PKD1L1: variants seen among roughly 807,000 people sequenced by gnomAD.
PKD1L1 encodes the protein polycystin 1 like 1, transient receptor potential channel interacting.
A neutral mutation model predicts 323.4 loss-of-function variants in PKD1L1; 236 were observed. The ratio of observed to expected loss-of-function variants is 0.73; its 90% CI spans 0.66 to 0.81. PKD1L1 has a LOEUF of 0.81. PKD1L1 is among the 40% of genes least tolerant of loss of function. The pLI is 0.00. For missense variants in PKD1L1, 3,320 were observed against 3,508.0 expected, an observed-to-expected ratio of 0.95 and a Z score of 1.35; for synonymous variants, 1,344 against 1,335.0, an observed-to-expected ratio of 1.01 and a Z score of -0.15.
chr7:47,792,480 C>T, intron 56 of PKD1L1, 147 bp downstream of exon 56: 1 of 775,104 alleles, frequency 1.3e-6, no homozygotes, highest in Non-Finnish European at 2.0e-6. Context: ...TTAGTTCTGG[C>T]CAGAGCATAT....
intron 45 of PKD1L1, among the ~76,000 whole-genome samples, chr7:47,822,807 T>C (rs1343315100): frequency 6.6e-6 from 1 of 152,228 alleles, no homozygotes; most frequent in East Asian, 1.9e-4. Flanking sequence ...CTTACATCCA[T>C]GTACTTCATT....
chr7:47,784,764 C>T (rs965325157), intron 56 of PKD1L1, among the ~76,000 whole-genome samples: 4 of 152,132 alleles, frequency 2.6e-5, no homozygotes, highest in African/African-American at 4.8e-5. Context: ...TGAGCCACTG[C>T]GCCCAACCCA....
In PKD1L1 at chr7:47,800,693, A is replaced by G. The variant is rs1675563584; in HGVS notation, c.8149T>C (p.Phe2717Leu). 1 of 1,614,098 alleles carries G rather than the reference A, an allele frequency of 6.2e-7. No individual in the cohort carries two copies. The highest frequency in any genetic ancestry group is 1.7e-5 in the Admixed American group (1 of 60,006). The change falls in exon 54 of 57, where the codon TTT (phenylalanine) becomes CTT (leucine). Residue 2717 changes from phenylalanine to leucine, a missense_variant. Physicochemically the swap from Phe to Leu is conservative, Grantham distance 22 (BLOSUM62 0). Coordinates refer to ENST00000289672, the MANE Select transcript of PKD1L1 (RefSeq NM_138295.5). Reference sequence around the variant, plus strand: ...GCAGAGACTATTAAAAGGATCCCAAAGTAACAAGCCATGGCCCGCTGGTCA... The same window carrying G: ...GCAGAGACTATTAAAAGGATCCCAAGGTAACAAGCCATGGCCCGCTGGTCA... ...KSDQRAMACY[F>L]GILLIVSATL...
intron 7 of PKD1L1, among the ~76,000 whole-genome samples, chr7:47,916,811 A>G (rs1016637897): frequency 2.6e-5 from 4 of 152,212 alleles, no homozygotes; most frequent in African/African-American, 9.7e-5. Flanking sequence ...CCCACAGGAC[A>G]AAAGAATCTG....
chr7:47,855,290 A>C (rs759431872), intron 28 of PKD1L1, 25 bp from the exon 29 acceptor site: 2 of 1,551,116 alleles, frequency 1.3e-6, no homozygotes, highest in Non-Finnish European at 1.8e-6. Flanking sequence ...ACCATCTCAG[A>C]GCAAATGACA....
chr7:47,885,971 T>C lies in PKD1L1; in HGVS notation c.2920A>G (p.Thr974Ala), dbSNP rs1786674991. ...SESSQLNLLP[T>A]EPGTADPDAT... The stretch of plus-strand genomic sequence containing the variant: ...TCAGGATCTGCAGTGCCAGGCTCAG[T>C]GGGCAGCAGGTTTAACTGTGATGAC... Residue 974 changes from threonine to alanine, a missense_variant, in exon 18 of 57, where the codon ACT becomes GCT. Physicochemically the swap from Thr to Ala is moderately conservative, Grantham distance 58. Transcript: ENST00000289672. 6.2e-7 allele frequency: 1 copy of C among 1,614,110 alleles called. No homozygotes were observed.
intron 2 of PKD1L1, among the ~76,000 whole-genome samples, chr7:47,941,728 A>G (rs773200416): frequency 4.6e-5 from 7 of 152,170 alleles, no homozygotes; most frequent in Non-Finnish European, 8.8e-5. Flanking sequence ...GTTTCGGAAT[A>G]AGCTAGAATA....
chr7:47,899,765 G>A (rs1787039995), intron 13 of PKD1L1, among the ~76,000 whole-genome samples: 1 of 152,074 alleles, frequency 6.6e-6, no homozygotes, highest in Admixed American at 6.6e-5. Context: ...GACCATCCTG[G>A]CTAACACGGT....
intron 3 of PKD1L1, 102 bp downstream of exon 3, chr7:47,940,091 T>A (rs1249272046): frequency 6.9e-7 from 1 of 1,457,474 alleles, no homozygotes; most frequent in Non-Finnish European, 9.5e-7. Flanking sequence ...AGGAAAACAA[T>A]CCCTGATGAA....
intron 1 of PKD1L1, among the ~76,000 whole-genome samples, chr7:47,947,890 C>A (rs1788133115): frequency 6.6e-6 from 1 of 152,118 alleles, no homozygotes; most frequent in African/African-American, 2.4e-5. Flanking sequence ...ATGGCATGAA[C>A]CCAGGAGGCA....
intron 45 of PKD1L1, among the ~76,000 whole-genome samples, chr7:47,824,941 T>C (rs1785213044): frequency 6.6e-6 from 1 of 152,232 alleles, no homozygotes; most frequent in South Asian, 2.1e-4. Context: ...TTACTGTGTC[T>C]GTAAGAGTGA....
intron 14 of PKD1L1, among the ~76,000 whole-genome samples, chr7:47,895,612 AAACAT>A (rs1786919018): frequency 1.3e-5 from 2 of 152,316 alleles, no homozygotes; most frequent in South Asian, 2.1e-4. Flanking sequence ...TGTAATAAGT[AAACAT>A]ATATATGTGC....
Position 47,937,059 on chromosome 7 carries a change from C to T in PKD1L1, c.286-101G>A, listed in dbSNP as rs908841979. Reference sequence around the variant, plus strand: ...TTCATTAACAAAATAGCAGTGGACCCCTGCTGTGCGCCCAGCACTGTGCTG... The same window carrying T: ...TTCATTAACAAAATAGCAGTGGACCTCTGCTGTGCGCCCAGCACTGTGCTG... On this transcript the variant is annotated intron_variant, in intron 3 of 56. Transcript: ENST00000289672. 8 of 877,178 alleles carry T rather than the reference C, an allele frequency of 9.1e-6. No individual in the cohort carries two copies. The African/African-American group carries it at 1.3e-4, about 15-fold the overall frequency. The allele number at this position is 877,178 out of a possible 1,614,324, so 54.3% of individuals were successfully genotyped here.
chr7:47,880,639 C>G, intron 21 of PKD1L1, 89 bp downstream of exon 21: 1 of 1,022,404 alleles, frequency 9.8e-7, no homozygotes. Context: ...TGATGTAGAC[C>G]TGCACCCCAT....
intron 14 of PKD1L1, among the ~76,000 whole-genome samples, chr7:47,897,674 G>C (rs931498453): frequency 9.2e-5 from 14 of 152,150 alleles, no homozygotes; most frequent in Admixed American, 7.9e-4. Context: ...GCCCCTAAAT[G>C]GCAGGGCCAC....
chr7:47,914,825 G>C (rs1328742400), intron 8 of PKD1L1, among the ~76,000 whole-genome samples: 1 of 151,938 alleles, frequency 6.6e-6, no homozygotes, highest in African/African-American at 2.4e-5. Flanking sequence ...CCACGGAAAA[G>C]GGTGAGCAAA....
rs753701957 is a variant in PKD1L1, at chr7:47,839,675, ACAG to A, written c.5553-16_5553-14del. 6.4e-7 allele frequency: 1 copy of A among 1,557,278 alleles called. No individual in the cohort carries two copies. Among genetic ancestry groups the A allele is most frequent in the South Asian group, 1.2e-5 (1 of 84,476 alleles). On this transcript the variant is annotated splice_polypyrimidine_tract_variant and intron_variant, in intron 35 of 56. Coordinates refer to ENST00000289672, the MANE Select transcript of PKD1L1 (RefSeq NM_138295.5). The surrounding 1 kb of genome is among the most constrained non-coding windows in gnomAD (Gnocchi z 4.3). The stretch of plus-strand genomic sequence containing the variant: ...TTGGGCAGGAGCGCTGGAGGCACAC[ACAG>A]CAGCATCTCAGCCGGGTGGGTGACA...
At chr7:47,960,256 T>C in the PKD1L1 span, among the ~76,000 whole-genome samples, 5 of 149,076 alleles carry the variant, frequency 3.4e-5, no homozygotes, top group Non-Finnish European at 4.5e-5. Context: ...GTCCTCTGCA[T>C]AGGAAAACCA....
At chr7:47,815,297 G>A (rs758060638) in intron 47 of PKD1L1, 37 bp downstream of exon 47, 3 of 1,603,482 alleles carry the variant, frequency 1.9e-6, no homozygotes, top group Non-Finnish European at 2.6e-6. Flanking sequence ...TAGCTTTTCT[G>A]AGATGATCTC....
Sources: allele counts gnomAD v4.1 joint callset (sites outside exome capture counted in the v4.1 genomes callset), GRCh38; gene constraint gnomAD v4.1.1; non-coding constraint Gnocchi (gnomAD v3.1); transcripts MANE v1.5; gene names NCBI Gene and HGNC (gene_info 2026-07-23, HGNC 2026-07-21).